The following MAP3K21 variants were observed in gnomAD, a reference collection of about 807,000 sequenced individuals.
MAP3K21 encodes mitogen-activated protein kinase kinase kinase 21.
A neutral mutation model predicts 86.1 loss-of-function variants in MAP3K21; 63 were observed. The observed-to-expected ratio is 0.73, with a 90% CI of 0.60 to 0.90. MAP3K21 has a LOEUF of 0.90. Ranked by LOEUF, MAP3K21 falls within the 40% of genes least tolerant of loss-of-function variation. The pLI, the probability that MAP3K21 is intolerant of heterozygous loss-of-function variation, is 0.00. For missense variants in MAP3K21, 1,220 were observed against 1,367.7 expected (o/e 0.89, Z 1.70); for synonymous variants, 558 against 564.8 (o/e 0.99, Z 0.17).
chr1:233,368,367 T>G (rs1235889728), intron 5 of MAP3K21, among the ~76,000 whole-genome samples: 1 of 152,166 alleles, frequency 6.6e-6, no homozygotes, highest in Non-Finnish European at 1.5e-5. Flanking sequence ...AAGGAATGAC[T>G]TGGGGCTAGG....
chr1:233,365,321 A>T (rs1044777761), intron 5 of MAP3K21, among the ~76,000 whole-genome samples: 2 of 152,218 alleles, frequency 1.3e-5, no homozygotes, highest in African/African-American at 2.4e-5. Flanking sequence ...AAAGGAAACA[A>T]TCAACAGAGT....
intron 2 of MAP3K21, among the ~76,000 whole-genome samples, chr1:233,347,985 G>C (rs6678607): frequency 0.44 from 67,525 of 151,968 alleles, 15,487 homozygotes; most frequent in East Asian, 0.57. Context: ...TAACAGCTTC[G>C]TTGAGATATG....
intron 4 of MAP3K21, among the ~76,000 whole-genome samples, chr1:233,360,297 T>C (rs1663442108): frequency 6.6e-6 from 1 of 152,180 alleles, no homozygotes; most frequent in Admixed American, 6.5e-5. Flanking sequence ...GGATTACAGA[T>C]TTTTTAACAT....
intron 1 of MAP3K21, among the ~76,000 whole-genome samples, chr1:233,333,206 T>C (rs559094728): frequency 6.6e-6 from 1 of 152,366 alleles, no homozygotes; most frequent in South Asian, 2.1e-4. Flanking sequence ...CTAATTTCAC[T>C]ATTATCAGTT....
intron 2 of MAP3K21, among the ~76,000 whole-genome samples, chr1:233,348,419 G>A (rs12082881): frequency 0.011 from 1,599 of 152,222 alleles, 27 homozygotes; most frequent in African/African-American, 0.036. Context: ...AATTTTTGGC[G>A]ACTGCAAATA....
chr1:233,357,730 G>A (rs1047979908), intron 4 of MAP3K21, among the ~76,000 whole-genome samples: 8 of 152,174 alleles, frequency 5.3e-5, no homozygotes, highest in African/African-American at 1.7e-4. Context: ...CAAGGGGGTG[G>A]GGACTGCTGG....
Position 233,327,987 on chromosome 1 carries a change from G to T in MAP3K21, c.-42G>T. 1 of 1,243,272 alleles carries T rather than the reference G, an allele frequency of 8.0e-7. No homozygotes were observed. Among genetic ancestry groups the T allele is most frequent in the Non-Finnish European group, 1.0e-6 (1 of 995,234 alleles). The allele number at this position is 1,243,272 out of a possible 1,614,324, so 77.0% of individuals were successfully genotyped here. A position where few individuals can be genotyped will look rare whatever the true frequency, so the allele number is the denominator to read the frequency against. ...CGCGCCCGCGGCCGCCCGGGAGGCT[G>T]AGCCCAGCTTCCCGCTCCGCCTTCC... On this transcript the variant is annotated 5_prime_UTR_variant, in exon 1 of 10. An upstream open reading frame in the 5' UTR loses its in-frame stop. Coordinates refer to ENST00000366624, the MANE Select transcript of MAP3K21 (RefSeq NM_032435.3).
At chr1:233,358,659 G>A (rs945205899) in intron 4 of MAP3K21, among the ~76,000 whole-genome samples, 1 of 152,050 alleles carries the variant, frequency 6.6e-6, no homozygotes, top group African/African-American at 2.4e-5. Context: ...TGGGTGTGAT[G>A]GCTTGCAGCT....
chr1:233,351,696 CA>C (rs10710526), intron 2 of MAP3K21, among the ~76,000 whole-genome samples: 82,768 of 117,004 alleles, frequency 0.71, 26,861 homozygotes, highest in East Asian at 0.95. Context: ...GATTCCATCT[CA>C]AAAAAAAAAA....
At position 233,340,331 on chromosome 1, in the gene MAP3K21, A is replaced by C. The variant is rs567981879; in HGVS notation, c.806-6111A>C. Reference sequence around the variant, plus strand: ...AGTGGGAGGTCCAGTAGGAAGTGTGAGTTTTATAGAGGGCGGAAGAGGAAG... The same window carrying C: ...AGTGGGAGGTCCAGTAGGAAGTGTGCGTTTTATAGAGGGCGGAAGAGGAAG... On this transcript the variant is annotated intron_variant, in intron 1 of 9. Coordinates refer to ENST00000366624, the MANE Select transcript of MAP3K21 (RefSeq NM_032435.3). 5.9e-5 allele frequency among the ~76,000 whole-genome samples: 9 copies of C among 152,236 alleles called. No homozygotes were observed. The South Asian group carries it at 1.9e-3, about 32-fold the overall frequency.
rs1204081189 is a variant in MAP3K21, at chr1:233,382,397, C to T, written c.2797C>T (p.Pro933Ser). ...CAGTCATCTGCCAAGGGAGGTCTCACCCAAGAAGCACAGCACTGTCCACAT... is the reference window on the plus strand; with the variant it reads ...CAGTCATCTGCCAAGGGAGGTCTCATCCAAGAAGCACAGCACTGTCCACAT... The part of the protein sequence containing the change: ...PHSHLPREVS[P>S]KKHSTVHIVP... The change falls in exon 10 of 10, where the codon CCC (proline) becomes TCC (serine). Residue 933 changes from proline (P) to serine (S), a missense_variant. Physicochemically the swap from Pro to Ser is moderately conservative, Grantham distance 74. Transcript: ENST00000366624. 1.2e-6 allele frequency: 2 copies of T among 1,614,018 alleles called. No individual in the cohort carries two copies. Among genetic ancestry groups the T allele is most frequent in the East Asian group, 2.2e-5 (1 of 44,892 alleles).
chr1:233,328,908 C>T lies in MAP3K21; in HGVS notation c.805+75C>T. On this transcript the variant is annotated intron_variant, in intron 1 of 9. Coordinates refer to ENST00000366624, the MANE Select transcript of MAP3K21 (RefSeq NM_032435.3). The surrounding 1 kb of genome is among the most constrained non-coding windows in gnomAD (Gnocchi z 8.7). ...AGGCGGGCTCCACAGGACATAGTAC[C>T]AGATGGAAAGAGGTGGGAGTCAGCC... 7.9e-7 allele frequency: 1 copy of T among 1,272,102 alleles called. No individual in the cohort carries two copies. Among genetic ancestry groups the T allele is most frequent in the Non-Finnish European group, 1.0e-6 (1 of 1,000,884 alleles). 78.8% of individuals were successfully genotyped at this position (1,272,102 alleles called of 1,614,324 possible). A position where few individuals can be genotyped will look rare whatever the true frequency, so the allele number is the denominator to read the frequency against.
Position 233,379,405 on chromosome 1 carries a change from G to T in MAP3K21, c.2399G>T (p.Gly800Val). The change falls in exon 9 of 10, where the codon GGC becomes GTC. Residue 800 changes from glycine to valine, a missense_variant. Gly to Val is a moderately radical substitution (Grantham distance 109, BLOSUM62 -3). This residue lies in a region of MAP3K21 where 632 missense variants were observed against 691.3 expected (regional missense o/e 0.91). Transcript: ENST00000366624. ...PPSLPLSSAL[G>V]ILSTPSFSTK... The stretch of plus-strand genomic sequence containing the variant: ...TCCCTGCCACTGTCAAGTGCCCTGG[G>T]CATCCTCTCCACACCTTCTTTCTCC... 5 of 1,614,178 alleles carry T rather than the reference G, an allele frequency of 3.1e-6. No homozygotes were observed. The highest frequency in any genetic ancestry group is 4.2e-6 in the Non-Finnish European group (5 of 1,180,036).
chr1:233,328,902 T>G lies in MAP3K21; in HGVS notation c.805+69T>G. On this transcript the variant is annotated intron_variant, in intron 1 of 9. Transcript: ENST00000366624. The surrounding 1 kb of genome is among the most constrained non-coding windows in gnomAD (Gnocchi z 8.7). ...CAGCCCAGGCGGGCTCCACAGGACA[T>G]AGTACCAGATGGAAAGAGGTGGGAG... 1 of 1,288,866 alleles carries G rather than the reference T, an allele frequency of 7.8e-7. No individual in the cohort carries two copies. The highest frequency in any genetic ancestry group is 9.9e-7 in the Non-Finnish European group (1 of 1,010,394). The allele number at this position is 1,288,866 out of a possible 1,614,324, so 79.8% of individuals were successfully genotyped here.
chr1:233,333,751 C>T (rs995577714), intron 1 of MAP3K21, among the ~76,000 whole-genome samples: 5 of 152,210 alleles, frequency 3.3e-5, no homozygotes, highest in African/African-American at 9.6e-5. Flanking sequence ...AAGTATTTAT[C>T]TGCTCTACCC....
chr1:233,365,187 G>A (rs554259191), intron 5 of MAP3K21, among the ~76,000 whole-genome samples: 2 of 152,214 alleles, frequency 1.3e-5, no homozygotes, highest in South Asian at 2.1e-4. Flanking sequence ...TTGTTTAATA[G>A]GGGAAACAAT....
At chr1:233,344,201 G>C (rs1663090120) in intron 1 of MAP3K21, among the ~76,000 whole-genome samples, 2 of 152,186 alleles carry the variant, frequency 1.3e-5, no homozygotes, top group Non-Finnish European at 2.9e-5. Flanking sequence ...AGCTACCAAT[G>C]ACTTTCTTCA....
chr1:233,370,696 C>G (rs968890252), intron 5 of MAP3K21, among the ~76,000 whole-genome samples: 3 of 152,118 alleles, frequency 2.0e-5, no homozygotes, highest in Admixed American at 6.6e-5. Flanking sequence ...GTTGAGGAAT[C>G]AGGTAGAACC....
chr1:233,332,933 A>T (rs900320127), intron 1 of MAP3K21, among the ~76,000 whole-genome samples: 4 of 152,124 alleles, frequency 2.6e-5, no homozygotes, highest in African/African-American at 9.7e-5. Flanking sequence ...TCAGTGATTA[A>T]GCATTTATTA....
Sources: gnomAD v4.1 joint callset for allele counts (sites outside exome capture counted in the v4.1 genomes callset) on GRCh38, gnomAD v4.1.1 for gene constraint, gnomAD v4.1.1 regional missense constraint, Gnocchi (gnomAD v3.1) non-coding constraint, MANE v1.5 for transcripts, NCBI Gene and HGNC (gene_info 2026-07-23, HGNC 2026-07-21) for gene names.